Variants in DMD observed in about 807,000 individuals in gnomAD.
DMD encodes the protein dystrophin.
Under a neutral mutation model 330.1 loss-of-function variants are expected in DMD, and 63 were observed. The observed-to-expected ratio is 0.19, with a 90% CI of 0.16 to 0.24. The LOEUF is 0.24. Ranked by LOEUF, DMD falls within the 10% of genes least tolerant of loss-of-function variation. The probability of loss-of-function intolerance (pLI) is 1.00; values close to 1 mark genes in which losing one functional copy is unlikely to be tolerated. For synonymous variants in DMD, 1,223 were observed against 959.8 expected, an observed-to-expected ratio of 1.27 and a Z score of -5.07; for missense variants, 3,344 against 2,684.1, an observed-to-expected ratio of 1.25 and a Z score of -5.43.
chrX:31,180,159 T>C (rs143677510), intron 69 of DMD, among the ~76,000 whole-genome samples: 1,200 of 111,380 alleles, frequency 0.011, 16 homozygotes, highest in African/African-American at 0.036. Context: ...ACAATATTTA[T>C]TGAGGGTCTA....
Position 32,949,868 on chromosome X carries a change from C to T in DMD, c.93+70271G>A. On this transcript the variant is annotated intron_variant, in intron 2 of 78. Coordinates refer to ENST00000357033, the MANE Select transcript of DMD (RefSeq NM_004006.3). ...TGAATATGTCCCTGAAAGAAAAGCT[C>T]AGCACTGTATGCAACTCCATCATAT... is the stretch of plus-strand genomic sequence containing the variant. 2.6e-5 allele frequency among the ~76,000 whole-genome samples: 2 copies of T among 76,706 alleles called. 1 individual carries two copies. The highest frequency in any genetic ancestry group is 0.01 in the Middle Eastern group (2 of 200). 66.6% of individuals were successfully genotyped at this position (76,706 alleles called of 115,157 possible).
chrX:32,847,785 A>G (rs1972375445), intron 3 of DMD, among the ~76,000 whole-genome samples: 2 of 111,624 alleles, frequency 1.8e-5, no homozygotes, highest in Admixed American at 1.9e-4. Flanking sequence ...TTTGTTTGAT[A>G]TTTTTTTCTT....
intron 1 of DMD, among the ~76,000 whole-genome samples, chrX:33,179,074 A>T: frequency 8.9e-6 from 1 of 112,164 alleles, no homozygotes; most frequent in East Asian, 2.8e-4. Context: ...AATGTATCTC[A>T]TTAAAATTGT....
chrX:32,362,046 C>T (rs895799494), intron 37 of DMD, among the ~76,000 whole-genome samples: 1 of 111,693 alleles, frequency 9.0e-6, no homozygotes, highest in Admixed American at 9.6e-5. Context: ...TTAAATAAGA[C>T]TTTCTCTTCA....
intron 44 of DMD, among the ~76,000 whole-genome samples, chrX:32,070,675 C>G (rs1490273120): frequency 5.4e-5 from 6 of 110,846 alleles, no homozygotes; most frequent in Admixed American, 9.7e-5. Context: ...TTGCAATGAC[C>G]TGGATGCGAT....
chrX:31,122,981 T>C (rs572807233), intron 78 of DMD, among the ~76,000 whole-genome samples: 1 of 112,089 alleles, frequency 8.9e-6, no homozygotes, highest in East Asian at 2.8e-4. Flanking sequence ...GTATTGTCTT[T>C]GGAACTGAAA....
intron 11 of DMD, among the ~76,000 whole-genome samples, chrX:32,628,258 ATTTTTTTTTTTT>A (rs1170760390): frequency 2.9e-3 from 44 of 15,354 alleles, no homozygotes; most frequent in Non-Finnish European, 2.9e-3. Flanking sequence ...AGTTGTTTTA[ATTTTTTTTTTTT>A]TTTTTTTTTT....
At chrX:33,310,035 G>C (rs1283134276) in intron 1 of DMD, among the ~76,000 whole-genome samples, 1 of 110,552 alleles carries the variant, frequency 9.0e-6, no homozygotes, top group Non-Finnish European at 1.9e-5. Flanking sequence ...TGTGCTTGTG[G>C]GGTAACAAAG....
At chrX:33,026,483 G>A (rs1014405855) in intron 1 of DMD, among the ~76,000 whole-genome samples, 3 of 110,083 alleles carry the variant, frequency 2.7e-5, no homozygotes, top group Non-Finnish European at 5.7e-5. Flanking sequence ...AAGGTTATGT[G>A]ATATTTTGGA....
chrX:32,405,541 G>T lies in DMD; in HGVS notation c.4233+6211C>A, dbSNP rs202238601. On this transcript the variant is annotated intron_variant, in intron 30 of 78. Transcript: ENST00000357033. ...TTTCAATAAATCTTTTCTTAATTTT[G>T]TACTTTAATAAAATCTCTCATTAAA... Among the ~76,000 whole-genome samples the T allele has an allele frequency of 2.4e-4, 27 of 110,896 alleles. 1 individual carries two copies. In the East Asian group the frequency reaches 4.3e-3, roughly 17 times the overall value.
intron 57 of DMD, among the ~76,000 whole-genome samples, chrX:31,480,558 G>T (rs1320865458): frequency 1.4e-5 from 1 of 69,752 alleles, no homozygotes; most frequent in Admixed American, 1.3e-4. Context: ...CCATGTTTGT[G>T]TGTGTGTGTG....
In DMD at chrX:32,464,642, C is replaced by A. The variant is rs1569563751; in HGVS notation, c.3220G>T (p.Glu1074Ter). 8.3e-7 allele frequency: 1 copy of A among 1,210,840 alleles called. No individual in the cohort carries two copies. Among genetic ancestry groups the A allele is most frequent in the Non-Finnish European group, 1.1e-6 (1 of 894,690 alleles). ...MAEVDVFLKE[E>*]WPALGDSEIL... ...TCTGAATCCCCAAGGGCAGGCCATT[C>A]CTCCTTCAGAAAAACATCAACTTCA... is the stretch of plus-strand genomic sequence containing the variant. Residue 1074 changes from glutamate (E) to a stop codon, truncating the protein, a stop_gained, in exon 24 of 79, where the codon GAA (glutamate) becomes TAA (stop). Transcript: ENST00000357033. LOFTEE classifies it high-confidence loss of function.
intron 7 of DMD, among the ~76,000 whole-genome samples, chrX:32,718,323 G>A (rs1030831088): frequency 4.5e-5 from 5 of 110,809 alleles, no homozygotes; most frequent in African/African-American, 9.9e-5. Flanking sequence ...ATATCTGGTT[G>A]TGTGAAAGCG....
At chrX:32,880,284 C>CA (rs35737187) in intron 2 of DMD, among the ~76,000 whole-genome samples, 2,301 of 84,918 alleles carry the variant, frequency 0.027, 75 homozygotes, top group African/African-American at 0.087. Context: ...CCAACAGGGC[C>CA]AAAAAAAAAA....
At chrX:32,673,177 T>C (rs143603491) in intron 9 of DMD, among the ~76,000 whole-genome samples, 1,205 of 110,964 alleles carry the variant, frequency 0.011, 15 homozygotes, top group African/African-American at 0.038. Context: ...TGAAAGTTAA[T>C]AGATCCTATA....
At chrX:32,447,670 C>T (rs187950867) in intron 27 of DMD, among the ~76,000 whole-genome samples, 25 of 111,775 alleles carry the variant, frequency 2.2e-4, no homozygotes, top group African/African-American at 7.1e-4. Context: ...ACCAAAATAA[C>T]TCAGTCTGTG....
At chrX:33,011,918 C>A (rs768600412) in intron 2 of DMD, among the ~76,000 whole-genome samples, 3 of 111,413 alleles carry the variant, frequency 2.7e-5, no homozygotes, top group Non-Finnish European at 3.8e-5. Flanking sequence ...TTTACATATG[C>A]AAGCTAAATA....
At chrX:32,841,916 A>G (rs2080195328) in intron 4 of DMD, among the ~76,000 whole-genome samples, 1 of 112,224 alleles carries the variant, frequency 8.9e-6, no homozygotes, top group Non-Finnish European at 1.9e-5. Flanking sequence ...AAAGGAAAAT[A>G]CATTTGCAAC....
intron 1 of DMD, among the ~76,000 whole-genome samples, chrX:33,261,627 AACACACAC>A (rs56984530): frequency 2.2e-5 from 2 of 89,115 alleles, no homozygotes; most frequent in South Asian, 6.5e-4. Context: ...ATACGGGAAG[AACACACAC>A]ACACACACAC....
Sources: allele counts gnomAD v4.1 joint callset (sites outside exome capture counted in the v4.1 genomes callset), GRCh38; gene constraint gnomAD v4.1.1; transcripts MANE v1.5; gene names NCBI Gene and HGNC (gene_info 2026-07-23, HGNC 2026-07-21).